Variants in ETV3L observed in about 807,000 individuals in gnomAD.
ETV3L encodes ETS variant transcription factor 3 like, also known as ETS translocation variant 3-like protein.
ETV3L carries 30 observed loss-of-function variants against 27.6 expected under a neutral mutation model. The ratio of observed to expected loss-of-function variants is 1.09; its 90% confidence interval spans 0.81 to 1.48. ETV3L has a LOEUF of 1.48. Among genes scored for constraint, ETV3L ranks in the 40% most tolerant of loss-of-function variants. The pLI is 0.00. For synonymous variants in ETV3L, 186 were observed against 188.9 expected, an observed-to-expected ratio of 0.98 and a Z score of 0.12; for missense variants, 443 against 455.6, an observed-to-expected ratio of 0.97 and a Z score of 0.25.
At position 157,098,733 on chromosome 1, in the gene ETV3L, C is replaced by T. The variant is rs550855165; in HGVS notation, c.459G>A (p.Ala153=). The change falls in exon 3 of 5, where the codon GCG becomes GCA. Residue 153 remains alanine, a synonymous_variant. Transcript: ENST00000454449. ...LLGAPALCRP[A]LVPVGVQSEL... is the part of the protein sequence containing the mutation. ...CACTCTGCACACCCACGGGCACCAG[C>T]GCTGGCCGACACAGGGCAGGGGCCC... 3.7e-6 allele frequency: 6 copies of T among 1,609,624 alleles called. No individual in the cohort carries two copies. The highest frequency in any genetic ancestry group is 5.1e-6 in the Non-Finnish European group (6 of 1,177,920).
At chr1:157,094,214 T>C (rs1674177246) in intron 4 of ETV3L, among the ~76,000 whole-genome samples, 1 of 152,218 alleles carries the variant, frequency 6.6e-6, no homozygotes, top group African/African-American at 2.4e-5. Context: ...CAGTCCTCTG[T>C]TTCTTCATCC....
At position 157,092,931 on chromosome 1, in the gene ETV3L, G is replaced by A. The variant is rs758629519; in HGVS notation, c.804C>T (p.Asp268=). The change falls in exon 5 of 5, where the codon GAC becomes GAT. Residue 268 remains aspartate (D), a synonymous_variant. Transcript: ENST00000454449. The stretch of plus-strand genomic sequence containing the variant: ...GGCTCCTAGGTCCTGGGAGCAGGAT[G>A]TCTGGCTTAAAAGCCCCTGGGAGCT... ...EQQLPGAFKP[D]ILLPGPRSLP... is the part of the protein sequence containing the mutation. 9.3e-6 allele frequency: 15 copies of A among 1,614,104 alleles called. No homozygotes were observed. In the African/African-American group the frequency reaches 1.3e-4, roughly 14 times the overall value.
In ETV3L at chr1:157,099,470, G is replaced by A. The variant is rs552221977; in HGVS notation, c.54C>T (p.Ile18=). ...AGGCCCGGCCAAGAGGCTCACCTGAGATCCAGTTGCCGGGGTTGGCTGGGA... is the reference window on the plus strand; with the variant it reads ...AGGCCCGGCCAAGAGGCTCACCTGAAATCCAGTTGCCGGGGTTGGCTGGGA... ...EGIPANPGNW[I]SGLAFPDWAY... The change falls in exon 1 of 5, where the codon ATC becomes ATT. Residue 18 remains isoleucine (I), a synonymous_variant. Transcript: ENST00000454449. 2 of 1,613,954 alleles carry A rather than the reference G, an allele frequency of 1.2e-6. No homozygotes were observed. The highest frequency in any genetic ancestry group is 1.3e-5 in the African/African-American group (1 of 75,050).
Position 157,092,480 on chromosome 1 carries a change from A to T in ETV3L, c.*169T>A. 1.6e-6 allele frequency: 1 copy of T among 612,486 alleles called. No individual in the cohort carries two copies. The highest frequency in any genetic ancestry group is 2.8e-6 in the Non-Finnish European group (1 of 353,468). The allele number at this position is 612,486 out of a possible 1,614,324, so 37.9% of individuals were successfully genotyped here. ...CTGTCTTGGTTTTTCCCATTTCCAC[A>T]TTCACACCTTCCCTGCAATGCTCCC... On this transcript the variant is annotated 3_prime_UTR_variant, in exon 5 of 5. Transcript: ENST00000454449.
At chr1:157,096,841 C>T (rs1571681252) in intron 4 of ETV3L, among the ~76,000 whole-genome samples, 1 of 152,182 alleles carries the variant, frequency 6.6e-6, no homozygotes, top group South Asian at 2.1e-4. Flanking sequence ...ATCGCTTGAA[C>T]CCAGGAGACG....
intron 4 of ETV3L, among the ~76,000 whole-genome samples, chr1:157,093,713 G>A (rs1674167384): frequency 1.3e-5 from 2 of 152,088 alleles, no homozygotes; most frequent in South Asian, 2.1e-4. Flanking sequence ...GGCTGGTCTC[G>A]AACTCCTGAC....
rs1453556853 is a variant in ETV3L at position 157,092,977 on chromosome 1, G to A, written c.758C>T (p.Pro253Leu). 5 of 1,613,644 alleles carry A rather than the reference G, an allele frequency of 3.1e-6. No individual in the cohort carries two copies. The East Asian group carries it at 1.1e-4, about 36-fold the overall frequency. The change falls in exon 5 of 5, where the codon CCT becomes CTT. Residue 253 changes from proline to leucine, a missense_variant. Physicochemically the swap from Pro to Leu is moderately conservative, Grantham distance 98 (BLOSUM62 -3). Transcript: ENST00000454449. ...GAGCTGCTGCTCTGACGGGAGAGGA[G>A]GCAAGAAGGGCCCCGAGAGACAGGT... is the stretch of plus-strand genomic sequence containing the variant. The part of the protein sequence containing the change: ...NWTCLSGPFL[P>L]PLPSEQQLPG...
At chr1:157,096,184 T>C (rs1025662333) in intron 4 of ETV3L, among the ~76,000 whole-genome samples, 2 of 152,156 alleles carry the variant, frequency 1.3e-5, no homozygotes, top group Admixed American at 6.5e-5. Flanking sequence ...GACACTCACG[T>C]ATACTTTGGG....
intron 4 of ETV3L, among the ~76,000 whole-genome samples, chr1:157,094,802 A>G (rs548793518): frequency 6.0e-5 from 9 of 150,684 alleles, no homozygotes; most frequent in Admixed American, 2.0e-4. Context: ...AATCCCAGCT[A>G]CTTGAGAGGC....
At position 157,092,994 on chromosome 1, in the gene ETV3L, G is replaced by A; in HGVS notation, c.741C>T (p.Leu247=). Residue 247 remains leucine, a synonymous_variant, in exon 5 of 5, where the codon CTC becomes CTT. Transcript: ENST00000454449. ...PPPLPSNWTC[L]SGPFLPPLPS... ...GGAGAGGAGGCAAGAAGGGCCCCGA[G>A]AGACAGGTCCAGTTGGAGGGCAGAG... is the stretch of plus-strand genomic sequence containing the variant. 6.2e-7 allele frequency: 1 copy of A among 1,612,816 alleles called. No homozygotes were observed. Among genetic ancestry groups the A allele is most frequent in the Non-Finnish European group, 8.5e-7 (1 of 1,179,404 alleles).
intron 4 of ETV3L, among the ~76,000 whole-genome samples, chr1:157,094,148 C>T (rs1674176122): frequency 6.6e-6 from 1 of 152,246 alleles, no homozygotes; most frequent in South Asian, 2.1e-4. Flanking sequence ...CAAGGGCCTC[C>T]AGTCTAGCCG....
intron 4 of ETV3L, among the ~76,000 whole-genome samples, chr1:157,097,395 C>T (rs1165748061): frequency 6.8e-6 from 1 of 147,592 alleles, no homozygotes; most frequent in Non-Finnish European, 1.5e-5. Flanking sequence ...ATCACTTGAA[C>T]CTGGGAGGCA....
intron 4 of ETV3L, among the ~76,000 whole-genome samples, chr1:157,097,469 T>TGAAAA (rs1674250956): frequency 2.2e-3 from 26 of 11,994 alleles, no homozygotes; most frequent in Admixed American, 4.6e-3. Flanking sequence ...AGACTCCGTC[T>TGAAAA]CAAAAAAAAA....
At chr1:157,098,680 G>A (rs776843674) in intron 3 of ETV3L, 26 bp downstream of exon 3, 2 of 1,544,382 alleles carry the variant, frequency 1.3e-6, no homozygotes, top group Admixed American at 2.0e-5. Flanking sequence ...GTGGAGCCCT[G>A]AGACAGGGGC....
At chr1:157,093,648 C>T (rs931626045) in intron 4 of ETV3L, among the ~76,000 whole-genome samples, 1 of 152,054 alleles carries the variant, frequency 6.6e-6, no homozygotes, top group African/African-American at 2.4e-5. Flanking sequence ...CATGCCACCA[C>T]ATCCGGCTAA....
At chr1:157,096,620 C>T (rs1448538011) in intron 4 of ETV3L, among the ~76,000 whole-genome samples, 2 of 152,178 alleles carry the variant, frequency 1.3e-5, no homozygotes, top group African/African-American at 4.8e-5. Context: ...ACACAGTCAT[C>T]TTTATAAAAT....
intron 4 of ETV3L, among the ~76,000 whole-genome samples, chr1:157,093,616 C>A (rs1040718628): frequency 6.6e-6 from 1 of 151,818 alleles, no homozygotes. Flanking sequence ...CTCAGCCTCT[C>A]GAGTAGCTGA....
In ETV3L at chr1:157,093,063, G is replaced by A. The variant is rs372946154; in HGVS notation, c.672C>T (p.Gly224=). 137 of 1,518,854 alleles carry A rather than the reference G, an allele frequency of 9.0e-5. No individual in the cohort carries two copies. In the African/African-American group the frequency reaches 1.3e-3, roughly 15 times the overall value. The allele number at this position is 1,518,854 out of a possible 1,614,324, so 94.1% of individuals were successfully genotyped here. ...GLCCHLGSVQ[G]ELPGVASFTP... ...TGAAGGAGGCAACACCAGGCAGCTC[G>A]CCTTGGACGCTCCCCAAATGGCAGC... The change falls in exon 5 of 5, where the codon GGC becomes GGT. Residue 224 remains glycine (G), a synonymous_variant. Coordinates refer to ENST00000454449, the MANE Select transcript of ETV3L (RefSeq NM_001004341.2).
intron 4 of ETV3L, among the ~76,000 whole-genome samples, chr1:157,096,295 G>T (rs1427515636): frequency 6.6e-6 from 1 of 152,100 alleles, no homozygotes; most frequent in Admixed American, 6.5e-5. Context: ...ATCACTTATC[G>T]ATCATTAGTT....
Sources: gnomAD v4.1 joint callset for allele counts (sites outside exome capture counted in the v4.1 genomes callset) on GRCh38, gnomAD v4.1.1 for gene constraint, MANE v1.5 for transcripts, NCBI Gene and HGNC (gene_info 2026-07-23, HGNC 2026-07-21) for gene names.